The following PDGFD variants were observed in gnomAD, a reference collection of about 807,000 sequenced individuals.
The protein encoded by PDGFD is platelet-derived growth factor D.
PDGFD carries 30 observed loss-of-function variants against 44.7 expected under a neutral mutation model. The ratio of observed to expected loss-of-function variants is 0.67; its 90% CI spans 0.50 to 0.91. The LOEUF is 0.91. PDGFD is among the 40% of genes least tolerant of loss of function. The probability of loss-of-function intolerance (pLI) is 0.00; values close to 1 mark genes in which losing one functional copy is unlikely to be tolerated. For missense variants in PDGFD, 445 were observed against 457.8 expected (o/e 0.97, Z 0.25); for synonymous variants, 173 against 168.4 (o/e 1.03, Z -0.21).
chr11:103,989,191 C>T (rs1859414249), intron 3 of PDGFD, among the ~76,000 whole-genome samples: 1 of 152,116 alleles, frequency 6.6e-6, no homozygotes, highest in Admixed American at 6.5e-5. Flanking sequence ...TTTAGGAATA[C>T]AATTTGATTA....
intron 5 of PDGFD, among the ~76,000 whole-genome samples, chr11:103,932,376 A>G (rs1265034469): frequency 1.3e-5 from 2 of 152,192 alleles, no homozygotes; most frequent in Non-Finnish European, 1.5e-5. Flanking sequence ...CGTTCTGAAC[A>G]TGTTTAAGGT....
At chr11:104,014,569 C>T (rs2134377246) in intron 1 of PDGFD, among the ~76,000 whole-genome samples, 1 of 152,244 alleles carries the variant, frequency 6.6e-6, no homozygotes, top group East Asian at 1.9e-4. Flanking sequence ...AATCTAGAAT[C>T]TTTTTTTCAG....
intron 1 of PDGFD, among the ~76,000 whole-genome samples, chr11:104,079,481 G>A (rs147668958): frequency 0.013 from 1,937 of 152,078 alleles, 34 homozygotes; most frequent in African/African-American, 0.044. Context: ...TCCGGCTCCC[G>A]GGTTCAAGTG....
chr11:103,969,907 C>G (rs1859078547), intron 3 of PDGFD, among the ~76,000 whole-genome samples: 1 of 151,980 alleles, frequency 6.6e-6, no homozygotes, highest in South Asian at 2.1e-4. Flanking sequence ...AGAAAATACT[C>G]ATATTTAAAA....
chr11:104,084,776 T>A (rs1565330167), intron 1 of PDGFD, among the ~76,000 whole-genome samples: 1 of 146,168 alleles, frequency 6.8e-6, no homozygotes, highest in Non-Finnish European at 1.5e-5. Flanking sequence ...TATAAAATTA[T>A]ACATAAAATA....
chr11:104,038,314 T>C, intron 1 of PDGFD: 1 of 321,990 alleles, frequency 3.1e-6, no homozygotes, highest in Non-Finnish European at 6.1e-6. Context: ...CACTATCCTA[T>C]CAGATTACAG....
intron 1 of PDGFD, among the ~76,000 whole-genome samples, chr11:104,125,425 T>C (rs1264586889): frequency 6.6e-6 from 1 of 152,160 alleles, no homozygotes; most frequent in African/African-American, 2.4e-5. Context: ...TTTCTGTCTA[T>C]TTCTGTTTAT....
At chr11:104,059,407 T>G (rs544944975) in intron 1 of PDGFD, among the ~76,000 whole-genome samples, 1 of 152,354 alleles carries the variant, frequency 6.6e-6, no homozygotes, top group Non-Finnish European at 1.5e-5. Context: ...TCTTTATATC[T>G]TTATCATCCA....
chr11:104,024,870 C>G (rs1386714975), intron 1 of PDGFD, among the ~76,000 whole-genome samples: 1 of 152,190 alleles, frequency 6.6e-6, no homozygotes, highest in African/African-American at 2.4e-5. Context: ...AAGAATGGAT[C>G]TCAAGAAGTT....
intron 1 of PDGFD, among the ~76,000 whole-genome samples, chr11:104,130,314 T>C (rs1053947030): frequency 2.0e-5 from 3 of 152,116 alleles, no homozygotes; most frequent in African/African-American, 7.2e-5. Context: ...CAGGAGGCAC[T>C]GGCCCCAAGG....
chr11:103,989,959 GATAA>G (rs1182425859), intron 3 of PDGFD, among the ~76,000 whole-genome samples: 1 of 152,056 alleles, frequency 6.6e-6, no homozygotes, highest in Non-Finnish European at 1.5e-5. Flanking sequence ...ATAATAAAAA[GATAA>G]ATAATAGTAT....
intron 1 of PDGFD, among the ~76,000 whole-genome samples, chr11:104,054,103 T>C (rs1347453745): frequency 2.0e-5 from 3 of 152,234 alleles, no homozygotes; most frequent in Non-Finnish European, 4.4e-5. Flanking sequence ...GAGACTTTTA[T>C]ACCAAATACT....
intron 3 of PDGFD, among the ~76,000 whole-genome samples, chr11:103,994,341 A>G (rs1448517210): frequency 6.6e-6 from 1 of 152,226 alleles, no homozygotes; most frequent in Non-Finnish European, 1.5e-5. Context: ...GAACAGATGC[A>G]TCACTGAACA....
intron 1 of PDGFD, among the ~76,000 whole-genome samples, chr11:104,158,123 C>A (rs752999314): frequency 6.6e-6 from 1 of 152,192 alleles, no homozygotes; most frequent in African/African-American, 2.4e-5. Context: ...ATTCCTATCT[C>A]TCAAGTGCAT....
rs1385064162 is a variant in PDGFD at position 104,151,059 on chromosome 11, T to C, written c.124+12745A>G. On this transcript the variant is annotated intron_variant, in intron 1 of 6. Transcript: ENST00000393158. ...AGTTGGATGAATACATCCCAATTTT[T>C]ATATGTGCAGCAATGATGTAGCTGT... Among the ~76,000 whole-genome samples the C allele has an allele frequency of 2.0e-5, 3 of 152,306 alleles. No homozygotes were observed. The East Asian group carries it at 5.8e-4, about 29-fold the overall frequency.
intron 3 of PDGFD, among the ~76,000 whole-genome samples, chr11:103,970,319 CTTT>C (rs1027377544): frequency 1.3e-4 from 20 of 152,178 alleles, no homozygotes; most frequent in African/African-American, 4.8e-4. Context: ...GCCATGACTT[CTTT>C]GTTATCACTG....
chr11:103,949,375 A>C (rs940759890), intron 3 of PDGFD, among the ~76,000 whole-genome samples: 1 of 152,232 alleles, frequency 6.6e-6, no homozygotes, highest in African/African-American at 2.4e-5. Flanking sequence ...TCTGCAAAAC[A>C]GAATAGACAC....
chr11:104,083,779 C>T (rs1861081474), intron 1 of PDGFD, among the ~76,000 whole-genome samples: 1 of 152,158 alleles, frequency 6.6e-6, no homozygotes, highest in South Asian at 2.1e-4. Flanking sequence ...GATATATTTC[C>T]ACACTGGCAA....
intron 6 of PDGFD, among the ~76,000 whole-genome samples, chr11:103,914,069 C>A (rs1858074320): frequency 6.6e-6 from 1 of 152,152 alleles, no homozygotes; most frequent in African/African-American, 2.4e-5. Context: ...TTACACCACC[C>A]TCTGTATTTA....
Sources: allele counts gnomAD v4.1 joint callset (sites outside exome capture counted in the v4.1 genomes callset), GRCh38; gene constraint gnomAD v4.1.1; transcripts MANE v1.5; gene names NCBI Gene and HGNC (gene_info 2026-07-23, HGNC 2026-07-21).